PIAS2: variants seen among roughly 807,000 people sequenced by gnomAD.
PIAS2 encodes the protein protein inhibitor of activated STAT 2.
A neutral mutation model predicts 69.7 loss-of-function variants in PIAS2; 19 were observed. The observed-to-expected ratio is 0.27, with a 90% CI of 0.19 to 0.40. The LOEUF is 0.40. Ranked by LOEUF, PIAS2 falls within the 10% of genes least tolerant of loss-of-function variation. The pLI, the probability that PIAS2 is intolerant of heterozygous loss-of-function variation, is 1.00. For synonymous variants in PIAS2, 261 were observed against 263.2 expected (o/e 0.99, Z 0.08); for missense variants, 624 against 757.0 (o/e 0.82, Z 2.06).
intron 1 of PIAS2, chr18:46,901,251 TAAG>T (rs1421969006): frequency 1.2e-5 from 5 of 413,190 alleles, no homozygotes; most frequent in Non-Finnish European, 2.4e-5. Context: ...ACCCCATCTC[TAAG>T]AAAAATACAA....
At chr18:46,874,873 G>A (rs1423585051) in intron 2 of PIAS2, among the ~76,000 whole-genome samples, 1 of 152,044 alleles carries the variant, frequency 6.6e-6, no homozygotes, top group Admixed American at 6.6e-5. Context: ...AGGAAAACGC[G>A]AACCAGCTTG....
chr18:46,846,604 A>G lies in PIAS2; in HGVS notation c.861+103T>C, dbSNP rs1178942320. 3.4e-6 allele frequency: 4 copies of G among 1,159,468 alleles called. No individual in the cohort carries two copies. The African/African-American group carries it at 4.7e-5, about 14-fold the overall frequency. 71.8% of individuals were successfully genotyped at this position (1,159,468 alleles called of 1,614,324 possible). On this transcript the variant is annotated intron_variant, in intron 6 of 13. Transcript: ENST00000585916. Reference sequence around the variant, plus strand: ...AAATTACTGCTTTTTAGAGATTACAATCCAAAAACAGAAAGAGCTGAAGCC... The same window carrying G: ...AAATTACTGCTTTTTAGAGATTACAGTCCAAAAACAGAAAGAGCTGAAGCC...
intron 1 of PIAS2, chr18:46,915,735 C>T (rs1350381344): frequency 6.6e-6 from 1 of 151,246 alleles, no homozygotes; most frequent in Non-Finnish European, 1.5e-5. Context: ...TTACATTAAG[C>T]TTTGGCCAAC....
intron 1 of PIAS2, chr18:46,901,305 A>T (rs1447457257): frequency 6.0e-6 from 2 of 331,080 alleles, no homozygotes; most frequent in East Asian, 1.2e-4. Context: ...GCTACTCAGG[A>T]GGCTGAGGCA....
intron 2 of PIAS2, among the ~76,000 whole-genome samples, chr18:46,878,956 G>T (rs542068687): frequency 1.3e-5 from 2 of 152,354 alleles, no homozygotes; most frequent in South Asian, 4.1e-4. Context: ...ATAGGGAAAA[G>T]ATAAACCAAG....
chr18:46,858,830 A>G (rs1471020770), intron 3 of PIAS2, among the ~76,000 whole-genome samples: 2 of 152,106 alleles, frequency 1.3e-5, no homozygotes, highest in Admixed American at 6.5e-5. Context: ...AGGGAAGGGG[A>G]GTTTCTAGGA....
At chr18:46,846,933 A>G (rs925481247) in intron 5 of PIAS2, 92 bp from the exon 6 acceptor site, 2 of 1,096,602 alleles carry the variant, frequency 1.8e-6, no homozygotes, top group Admixed American at 3.3e-5. Context: ...GCCCAATTTC[A>G]GTTACACTAT....
intron 1 of PIAS2, chr18:46,891,559 G>C (rs984232327): frequency 2.7e-6 from 1 of 374,296 alleles, no homozygotes; most frequent in Non-Finnish European, 3.7e-6. Flanking sequence ...AAAATGCAAT[G>C]AATTTTTTAC....
chr18:46,826,189 T>C (rs2042825589), intron 11 of PIAS2, among the ~76,000 whole-genome samples: 1 of 152,252 alleles, frequency 6.6e-6, no homozygotes, highest in Non-Finnish European at 1.5e-5. Context: ...TTTGTTTTCT[T>C]TTCAGCCTAA....
At chr18:46,913,254 T>C (rs1211754776) in intron 1 of PIAS2, among the ~76,000 whole-genome samples, 1 of 152,186 alleles carries the variant, frequency 6.6e-6, no homozygotes, top group Non-Finnish European at 1.5e-5. Context: ...TGGTGACTCC[T>C]GGTAGGTGTA....
intron 1 of PIAS2, among the ~76,000 whole-genome samples, chr18:46,894,357 A>G (rs866992334): frequency 1.3e-5 from 2 of 152,240 alleles, no homozygotes; most frequent in East Asian, 1.9e-4. Flanking sequence ...CAGAGCCCAC[A>G]TGGGGGTTAA....
chr18:46,842,209 G>C (rs2045502063), intron 8 of PIAS2, among the ~76,000 whole-genome samples: 1 of 136,680 alleles, frequency 7.3e-6, no homozygotes, highest in Non-Finnish European at 1.5e-5. Flanking sequence ...ATGGGCAACA[G>C]AGAGAGACCC....
At chr18:46,833,565 T>G (rs2043992805) in intron 9 of PIAS2, among the ~76,000 whole-genome samples, 1 of 152,222 alleles carries the variant, frequency 6.6e-6, no homozygotes. Context: ...TTTTTCTCAA[T>G]TATACTGAAA....
chr18:46,814,173 T>C, intron 13 of PIAS2, among the ~76,000 whole-genome samples: 1 of 152,170 alleles, frequency 6.6e-6, no homozygotes. Context: ...TCCCTAATTG[T>C]AGCTACAATG....
At chr18:46,918,533 C>T (rs1258008357), upstream of PIAS2, among the ~76,000 whole-genome samples, 1 of 152,158 alleles carries the variant, frequency 6.6e-6, no homozygotes, top group Non-Finnish European at 1.5e-5. Flanking sequence ...CGGCTCACCG[C>T]AATGTCTGCC....
At chr18:46,872,597 G>C (rs1047979321) in intron 2 of PIAS2, among the ~76,000 whole-genome samples, 1 of 152,140 alleles carries the variant, frequency 6.6e-6, no homozygotes, top group African/African-American at 2.4e-5. Context: ...ACAAGAGAAG[G>C]GGTTACGAGT....
At chr18:46,854,456 C>T (rs1036645445) in intron 5 of PIAS2, among the ~76,000 whole-genome samples, 4 of 152,168 alleles carry the variant, frequency 2.6e-5, no homozygotes, top group African/African-American at 4.8e-5. Context: ...GCTTGACAAA[C>T]GTGCCATGTT....
intron 1 of PIAS2, among the ~76,000 whole-genome samples, chr18:46,898,129 A>G (rs2055189951): frequency 6.6e-6 from 1 of 152,092 alleles, no homozygotes; most frequent in South Asian, 2.1e-4. Context: ...TGCTGGAATT[A>G]CAGGTGTGAG....
rs762898046 is a variant in PIAS2, at chr18:46,805,149, T to C, written c.*7284A>G. On this transcript the variant is annotated 3_prime_UTR_variant, in exon 14 of 14. Transcript: ENST00000585916. The stretch of plus-strand genomic sequence containing the variant: ...GGCCTGAAAAGAGGGCAATAACATT[T>C]GTTATAACTGATGAGAATGGGCAAA... 2.0e-5 allele frequency: 3 copies of C among 152,224 alleles called. No homozygotes were observed. The highest frequency in any genetic ancestry group is 2.9e-5 in the Non-Finnish European group (2 of 68,058). The allele number at this position is 152,224 out of a possible 1,614,324, so 9.4% of individuals were successfully genotyped here.
Sources: gnomAD v4.1 joint callset for allele counts (sites outside exome capture counted in the v4.1 genomes callset) on GRCh38, gnomAD v4.1.1 for gene constraint, MANE v1.5 for transcripts, NCBI Gene and HGNC (gene_info 2026-07-23, HGNC 2026-07-21) for gene names.